Variants in FAM227A observed in about 807,000 individuals in gnomAD.
The protein encoded by FAM227A is family with sequence similarity 227 member A.
A neutral mutation model predicts 74.7 loss-of-function variants in FAM227A; 80 were observed. The ratio of observed to expected loss-of-function variants is 1.07; its 90% confidence interval spans 0.89 to 1.29. The LOEUF is 1.29. FAM227A is among the 50% of genes most tolerant of loss of function. The probability of loss-of-function intolerance (pLI) is 0.00; values close to 1 mark genes in which losing one functional copy is unlikely to be tolerated. For synonymous variants in FAM227A, 237 were observed against 241.8 expected (o/e 0.98, Z 0.19); for missense variants, 654 against 683.4 (o/e 0.96, Z 0.48).
At chr22:38,601,885 G>A (rs748156740) in intron 13 of FAM227A, among the ~76,000 whole-genome samples, 11 of 152,006 alleles carry the variant, frequency 7.2e-5, no homozygotes, top group Admixed American at 5.2e-4. Context: ...GTCAAGTCCC[G>A]TTTTGGATGC....
At chr22:38,606,090 T>A (rs1311222595) in intron 12 of FAM227A, among the ~76,000 whole-genome samples, 2 of 152,136 alleles carry the variant, frequency 1.3e-5, no homozygotes, top group Non-Finnish European at 2.9e-5. Flanking sequence ...AACTCTTATA[T>A]CTAACTCACA....
chr22:38,643,524 A>T (rs1214918678), intron 3 of FAM227A, among the ~76,000 whole-genome samples: 1 of 152,206 alleles, frequency 6.6e-6, no homozygotes, highest in East Asian at 1.9e-4. Flanking sequence ...GAGAACGTGG[A>T]GCCGCAAGAA....
chr22:38,626,880 A>AT (rs2091813985), intron 8 of FAM227A, among the ~76,000 whole-genome samples: 1 of 109,120 alleles, frequency 9.2e-6, no homozygotes. Context: ...AAAAAAAAAA[A>AT]AAAAAAAAAA....
chr22:38,653,976 A>G (rs1419107786), intron 1 of FAM227A: 1 of 152,202 alleles, frequency 6.6e-6, no homozygotes, highest in Non-Finnish European at 1.5e-5. Context: ...AGGGAACAAC[A>G]CTGTAAGATG....
intron 11 of FAM227A, 40 bp downstream of exon 11, chr22:38,620,171 TG>T: frequency 7.2e-7 from 1 of 1,393,810 alleles, no homozygotes. Flanking sequence ...CTGAAGCTTA[TG>T]GGACTCCAAA....
At chr22:38,640,026 A>G (rs974426710) in intron 3 of FAM227A, among the ~76,000 whole-genome samples, 4 of 150,816 alleles carry the variant, frequency 2.7e-5, no homozygotes, top group African/African-American at 9.7e-5. Flanking sequence ...AATAATATCT[A>G]TCTTCCAGGG....
intron 2 of FAM227A, among the ~76,000 whole-genome samples, chr22:38,647,629 C>A (rs1372576183): frequency 1.3e-5 from 2 of 152,074 alleles, no homozygotes; most frequent in Non-Finnish European, 2.9e-5. Context: ...CTGTTCAGTT[C>A]TATGGCCCCT....
intron 4 of FAM227A, 75 bp from the exon 5 acceptor site, chr22:38,638,897 G>T: frequency 2.1e-6 from 2 of 955,680 alleles, no homozygotes; most frequent in Non-Finnish European, 1.5e-6. Flanking sequence ...TTACAACTGT[G>T]CTTTTTCATT....
At chr22:38,613,341 A>ATATATATCATATATAATATATAT (rs1256863632) in intron 11 of FAM227A, among the ~76,000 whole-genome samples, 1 of 49,058 alleles carries the variant, frequency 2.0e-5, no homozygotes, top group Non-Finnish European at 3.7e-5. Context: ...ATAATATATA[A>ATATATATCATATATAATATATAT]CATATATTAT....
chr22:38,626,891 A>AAAAAAAT lies in FAM227A; in HGVS notation c.727-589_727-588insATTTTTT, dbSNP rs1555966996. On this transcript the variant is annotated intron_variant, in intron 8 of 16. Transcript: ENST00000535113. The stretch of plus-strand genomic sequence containing the variant: ...AAAAAAAAAAAAAAAAAAAAAAAAA[A>AAAAAAAT]ATATATATATATATATATATATACA... Among the ~76,000 whole-genome samples the AAAAAAAT allele has an allele frequency of 1.3e-3, 73 of 57,674 alleles. 2 individuals are homozygous for AAAAAAAT. The highest frequency in any genetic ancestry group is 5.9e-3 in the African/African-American group (67 of 11,430). 37.8% of individuals were successfully genotyped at this position (57,674 alleles called of 152,430 possible).
intron 4 of FAM227A, 180 bp downstream of exon 4, chr22:38,639,475 T>C (rs2092069776): frequency 1.5e-6 from 1 of 670,562 alleles, no homozygotes; most frequent in African/African-American, 1.8e-5. Context: ...AGGTGGTCTC[T>C]AAATGGTACT....
chr22:38,612,701 G>A (rs1235827405), intron 11 of FAM227A, among the ~76,000 whole-genome samples: 1 of 152,106 alleles, frequency 6.6e-6, no homozygotes, highest in Non-Finnish European at 1.5e-5. Flanking sequence ...TGGGAAGTAT[G>A]CGGACTCCAG....
chr22:38,637,425 G>A (rs2092029185), intron 5 of FAM227A, among the ~76,000 whole-genome samples: 1 of 152,100 alleles, frequency 6.6e-6, no homozygotes, highest in African/African-American at 2.4e-5. Flanking sequence ...TATCTTTGTG[G>A]TTAATATATA....
chr22:38,608,155 CAAAAAA>C (rs35387385), intron 11 of FAM227A, among the ~76,000 whole-genome samples: 1 of 76,874 alleles, frequency 1.3e-5, no homozygotes, highest in African/African-American at 4.7e-5. Context: ...CTTTTCTCTA[CAAAAAA>C]AAAAAAAAAA....
chr22:38,609,226 C>CGACA (rs1569202808), intron 11 of FAM227A, among the ~76,000 whole-genome samples: 1 of 152,188 alleles, frequency 6.6e-6, no homozygotes, highest in Non-Finnish European at 1.5e-5. Context: ...AACTGCCACA[C>CGACA]GACACATCCA....
At chr22:38,626,882 AAAAAAAAAAATAT>A (rs2091814788) in intron 8 of FAM227A, among the ~76,000 whole-genome samples, 1 of 110,540 alleles carries the variant, frequency 9.0e-6, no homozygotes, top group Admixed American at 9.1e-5. Flanking sequence ...AAAAAAAAAA[AAAAAAAAAAATAT>A]ATATATATAT....
At chr22:38,612,021 C>G (rs550233631) in intron 11 of FAM227A, among the ~76,000 whole-genome samples, 1 of 152,194 alleles carries the variant, frequency 6.6e-6, no homozygotes, top group East Asian at 1.9e-4. Flanking sequence ...ACTTCTCCTC[C>G]CCACTCCCAA....
At position 38,626,234 on chromosome 22, in the gene FAM227A, C is replaced by T. The variant is rs572488612; in HGVS notation, c.796G>A (p.Asp266Asn). The change falls in exon 9 of 17, where the codon GAC (aspartate) becomes AAC (asparagine). Residue 266 changes from aspartate (D) to asparagine (N), a missense_variant. Coordinates refer to ENST00000535113, the MANE Select transcript of FAM227A (RefSeq NM_001013647.2). ...ATGTCAGACTTGAATTCGTGCGTGTCGAACCAGGACTGTGGAAAGCAGCAA... is the reference window on the plus strand; with the variant it reads ...ATGTCAGACTTGAATTCGTGCGTGTTGAACCAGGACTGTGGAAAGCAGCAA... The part of the protein sequence containing the change: ...FCCCFPQSWF[D>N]THEFKSDICN... 55 of 1,551,646 alleles carry T rather than the reference C, an allele frequency of 3.5e-5. No individual in the cohort carries two copies. In the East Asian group the frequency reaches 8.1e-4, roughly 23 times the overall value.
chr22:38,620,348 T>C lies in FAM227A; in HGVS notation c.959-57A>G, dbSNP rs1035985479. On this transcript the variant is annotated intron_variant, in intron 10 of 16. Coordinates refer to ENST00000535113, the MANE Select transcript of FAM227A (RefSeq NM_001013647.2). ...TCTTGTCATGGGACAATGAAGATTGTAGCCCAGGAGCTTGAGACAGCCTCC... is the reference window on the plus strand; with the variant it reads ...TCTTGTCATGGGACAATGAAGATTGCAGCCCAGGAGCTTGAGACAGCCTCC... The C allele has an allele frequency of 1.2e-5, 17 of 1,384,150 alleles. 1 individual carries two copies. The highest frequency in any genetic ancestry group is 1.1e-4 in the South Asian group (9 of 80,352). The allele number at this position is 1,384,150 out of a possible 1,614,324, so 85.7% of individuals were successfully genotyped here.
Sources: allele counts gnomAD v4.1 joint callset (sites outside exome capture counted in the v4.1 genomes callset), GRCh38; gene constraint gnomAD v4.1.1; transcripts MANE v1.5; gene names NCBI Gene and HGNC (gene_info 2026-07-23, HGNC 2026-07-21).